Variants in YPEL1 observed in about 807,000 individuals in gnomAD.
YPEL1 encodes yippee like 1, also known as protein yippee-like 1.
YPEL1 carries 7 observed loss-of-function variants against 17.3 expected under a neutral mutation model. That is an observed-to-expected ratio of 0.40 (90% CI 0.23 to 0.76). The LOEUF (loss-of-function observed/expected upper bound fraction) is 0.76. Among genes scored for constraint, YPEL1 ranks in the 30% least tolerant of loss-of-function variants. YPEL1 has a pLI of 0.35. For synonymous variants in YPEL1, 59 were observed against 59.6 expected, an observed-to-expected ratio of 0.99 and a Z score of 0.05; for missense variants, 91 against 155.5, an observed-to-expected ratio of 0.59 and a Z score of 2.21.
At chr22:21,702,205 G>A (rs541827700) in intron 4 of YPEL1, among the ~76,000 whole-genome samples, 2 of 152,344 alleles carry the variant, frequency 1.3e-5, no homozygotes, top group Admixed American at 1.3e-4. Context: ...GGCAGACACA[G>A]GAAGGACTGT....
At chr22:21,732,738 C>T (rs982139505) in intron 1 of YPEL1, among the ~76,000 whole-genome samples, 24 of 151,738 alleles carry the variant, frequency 1.6e-4, no homozygotes, top group Admixed American at 2.0e-4. Context: ...GCCGAGATCA[C>T]GCCACTGCAC....
Position 21,701,042 on chromosome 22 carries a change from G to T in YPEL1, c.*87C>A, listed in dbSNP as rs1489760685. ...GCCTTTGAGGTCAGAGGGCAAGAAAGGCTGTCACCAGATGCTCCTACGTTT... is the reference window on the plus strand; with the variant it reads ...GCCTTTGAGGTCAGAGGGCAAGAAATGCTGTCACCAGATGCTCCTACGTTT... On this transcript the variant is annotated 3_prime_UTR_variant, in exon 5 of 5. Transcript: ENST00000339468. 10 of 1,234,186 alleles carry T rather than the reference G, an allele frequency of 8.1e-6. No individual in the cohort carries two copies. Among genetic ancestry groups the T allele is most frequent in the Non-Finnish European group, 1.1e-5 (9 of 848,702 alleles). 76.5% of individuals were successfully genotyped at this position (1,234,186 alleles called of 1,614,324 possible). A position where few individuals can be genotyped will look rare whatever the true frequency, so the allele number is the denominator to read the frequency against.
intron 1 of YPEL1, among the ~76,000 whole-genome samples, chr22:21,729,638 C>T (rs185392162): frequency 2.0e-5 from 3 of 152,194 alleles, no homozygotes; most frequent in African/African-American, 7.2e-5. Context: ...AAGAAGTTGA[C>T]AACACCACTG....
intron 1 of YPEL1, among the ~76,000 whole-genome samples, chr22:21,734,570 C>T (rs944986449): frequency 2.0e-5 from 3 of 152,152 alleles, no homozygotes; most frequent in African/African-American, 7.2e-5. Flanking sequence ...AGACTCTACC[C>T]TGTAGGGCCC....
At chr22:21,717,331 G>A (rs1217037097) in intron 1 of YPEL1, among the ~76,000 whole-genome samples, 1 of 149,914 alleles carries the variant, frequency 6.7e-6, no homozygotes, top group Non-Finnish European at 1.5e-5. Context: ...AGCTGAGATT[G>A]CGCCACTGCA....
Position 21,703,986 on chromosome 22 carries a change from G to C in YPEL1, c.118-104C>G. ...CAGCCCCGCGGCTGTTAGCTGCGCCGGGACGCGTCACCGGGAGCAGACACC... is the reference window on the plus strand; with the variant it reads ...CAGCCCCGCGGCTGTTAGCTGCGCCCGGACGCGTCACCGGGAGCAGACACC... On this transcript the variant is annotated intron_variant, in intron 2 of 4. Coordinates refer to ENST00000339468, the MANE Select transcript of YPEL1 (RefSeq NM_013313.5). This position sits in a 1 kb window ranked among gnomAD's most constrained non-coding sequence, Gnocchi z 6.1. The C allele has an allele frequency of 7.6e-7, 1 of 1,309,656 alleles. No homozygotes were observed. The allele number at this position is 1,309,656 out of a possible 1,614,324, so 81.1% of individuals were successfully genotyped here.
At chr22:21,708,456 C>T (rs180956409) in intron 2 of YPEL1, among the ~76,000 whole-genome samples, 1 of 149,486 alleles carries the variant, frequency 6.7e-6, no homozygotes, top group Non-Finnish European at 1.5e-5. Context: ...ATGTCTCAGT[C>T]TCCCAAATAG....
At chr22:21,722,286 C>T (rs534997730) in intron 1 of YPEL1, among the ~76,000 whole-genome samples, 1 of 152,208 alleles carries the variant, frequency 6.6e-6, no homozygotes, top group East Asian at 1.9e-4. Flanking sequence ...TGTGGTGGCA[C>T]GTGCCTGTAG....
intron 1 of YPEL1, among the ~76,000 whole-genome samples, chr22:21,719,171 C>G (rs540613373): frequency 5.9e-5 from 9 of 152,310 alleles, no homozygotes; most frequent in African/African-American, 1.9e-4. Context: ...CACCACCCTC[C>G]AGGAGCCCAG....
At chr22:21,721,827 T>G (rs537246792) in intron 1 of YPEL1, among the ~76,000 whole-genome samples, 43 of 152,316 alleles carry the variant, frequency 2.8e-4, no homozygotes, top group African/African-American at 8.2e-4. Context: ...TAGGGCTCGT[T>G]CATCTTCCTT....
At chr22:21,713,099 G>A (rs750463258) in intron 1 of YPEL1, among the ~76,000 whole-genome samples, 2 of 152,138 alleles carry the variant, frequency 1.3e-5, no homozygotes, top group Admixed American at 6.6e-5. Context: ...CTATCAACGC[G>A]CACACACGGA....
intron 1 of YPEL1, among the ~76,000 whole-genome samples, chr22:21,717,181 G>A (rs113985413): frequency 4.6e-4 from 70 of 152,052 alleles, no homozygotes; most frequent in Non-Finnish European, 7.7e-4. Context: ...TTCGAGACCA[G>A]CCTGGCCAAC....
intron 1 of YPEL1, among the ~76,000 whole-genome samples, chr22:21,721,484 C>T (rs1026575172): frequency 1.3e-5 from 2 of 150,264 alleles, no homozygotes; most frequent in East Asian, 2.0e-4. Context: ...AGTACAGTGG[C>T]GTGATCTTGG....
intron 1 of YPEL1, among the ~76,000 whole-genome samples, chr22:21,724,021 C>G (rs1328482751): frequency 6.6e-6 from 1 of 151,954 alleles, no homozygotes; most frequent in African/African-American, 2.4e-5. Context: ...TTTTATTAAT[C>G]TTCATTTCTC....
intron 2 of YPEL1, chr22:21,704,150 T>A (rs760097301): frequency 1.4e-6 from 1 of 718,316 alleles, no homozygotes; most frequent in Non-Finnish European, 2.6e-6. Context: ...CATGGCAAGA[T>A]CAGTTTTTAA....
intron 2 of YPEL1, among the ~76,000 whole-genome samples, chr22:21,709,704 G>C (rs1305901448): frequency 6.6e-6 from 1 of 152,190 alleles, no homozygotes; most frequent in Non-Finnish European, 1.5e-5. Context: ...TGTTCCCAAA[G>C]TGGTCGTGAC....
chr22:21,704,316 T>G (rs1412866107), intron 2 of YPEL1, among the ~76,000 whole-genome samples: 1 of 152,170 alleles, frequency 6.6e-6, no homozygotes, highest in Non-Finnish European at 1.5e-5. Flanking sequence ...TGCCAGATAT[T>G]AGGGGGTAGG....
chr22:21,722,474 G>A (rs1255295486), intron 1 of YPEL1, among the ~76,000 whole-genome samples: 1 of 151,842 alleles, frequency 6.6e-6, no homozygotes, highest in African/African-American at 2.4e-5. Flanking sequence ...AAAATAGCCA[G>A]GCATGGTGGT....
chr22:21,703,127 G>A lies in YPEL1; in HGVS notation c.270+243C>T, dbSNP rs765166543. On this transcript the variant is annotated intron_variant, in intron 4 of 4. Coordinates refer to ENST00000339468, the MANE Select transcript of YPEL1 (RefSeq NM_013313.5). This position sits in a 1 kb window ranked among gnomAD's most constrained non-coding sequence, Gnocchi z 6.1. The stretch of plus-strand genomic sequence containing the variant: ...AGAGAGCCTGGCTTAGGAAGAAACA[G>A]GGCTTGAAAACATGGTGTTTTTGTT... Among the ~76,000 whole-genome samples, 13 of 152,154 alleles carry A rather than the reference G, an allele frequency of 8.5e-5. No homozygotes were observed. Among genetic ancestry groups the A allele is most frequent in the Non-Finnish European group, 1.8e-4 (12 of 68,032 alleles).
Sources: allele counts gnomAD v4.1 joint callset (sites outside exome capture counted in the v4.1 genomes callset), GRCh38; gene constraint gnomAD v4.1.1; non-coding constraint Gnocchi (gnomAD v3.1); transcripts MANE v1.5; gene names NCBI Gene and HGNC (gene_info 2026-07-23, HGNC 2026-07-21).